SOX5: variants seen among roughly 807,000 people sequenced by gnomAD.
The protein encoded by SOX5 is SRY-box transcription factor 5.
In SOX5, 9 loss-of-function variants were observed where a neutral mutation model predicts 92.0. That is an observed-to-expected ratio of 0.10 (90% CI 0.06 to 0.17). The LOEUF is 0.17. Among genes scored for constraint, SOX5 ranks in the 10% least tolerant of loss-of-function variants. SOX5 has a pLI of 1.00. For synonymous variants in SOX5, 344 were observed against 336.3 expected (o/e 1.02, Z -0.25); for missense variants, 642 against 944.5 (o/e 0.68, Z 4.20).
chr12:24,349,464 TTCTG>T (rs563421029), intron 2 of SOX5, among the ~76,000 whole-genome samples: 30 of 152,312 alleles, frequency 2.0e-4, no homozygotes, highest in South Asian at 8.3e-4. Flanking sequence ...GCAACCACCA[TTCTG>T]TCTGTCTCTA....
At chr12:24,285,665 T>C (rs766430531) in intron 2 of SOX5, among the ~76,000 whole-genome samples, 1 of 152,204 alleles carries the variant, frequency 6.6e-6, no homozygotes, top group Non-Finnish European at 1.5e-5. Context: ...ACCAAGTTTA[T>C]GTCTTAGACA....
intron 2 of SOX5, among the ~76,000 whole-genome samples, chr12:24,349,285 G>A (rs1953753741): frequency 6.6e-6 from 1 of 152,138 alleles, no homozygotes; most frequent in African/African-American, 2.4e-5. Context: ...GGTAAAATAT[G>A]CAGAACACAA....
intron 3 of SOX5, among the ~76,000 whole-genome samples, chr12:24,246,412 C>A (rs1000185337): frequency 5.3e-5 from 8 of 151,798 alleles, no homozygotes; most frequent in African/African-American, 1.9e-4. Flanking sequence ...AATAATTCAA[C>A]ACCAATGATT....
At chr12:23,944,339 A>T in intron 1 of SOX5, 1 of 152,110 alleles carries the variant, frequency 6.6e-6, no homozygotes. Context: ...GATCCAAGGG[A>T]AAAGGATACT....
intron 7 of SOX5, among the ~76,000 whole-genome samples, chr12:23,660,317 C>T (rs1018180306): frequency 2.0e-5 from 3 of 151,152 alleles, no homozygotes; most frequent in East Asian, 1.9e-4. Context: ...TAGATAATCT[C>T]GTTTGATCTT....
intron 3 of SOX5, among the ~76,000 whole-genome samples, chr12:24,250,731 C>A (rs1407040307): frequency 6.6e-6 from 1 of 152,138 alleles, no homozygotes; most frequent in Non-Finnish European, 1.5e-5. Flanking sequence ...AAAGTAAGTT[C>A]ATTAAGAAAG....
intron 9 of SOX5, among the ~76,000 whole-genome samples, chr12:23,602,249 C>T (rs2074600211): frequency 1.3e-5 from 2 of 152,146 alleles, no homozygotes; most frequent in Non-Finnish European, 1.5e-5. Flanking sequence ...TACTGAAATA[C>T]TCATTCTCTT....
At chr12:24,153,652 A>G (rs1431317323) in intron 4 of SOX5, among the ~76,000 whole-genome samples, 1 of 152,094 alleles carries the variant, frequency 6.6e-6, no homozygotes, top group Non-Finnish European at 1.5e-5. Context: ...CCACTGAAAT[A>G]ATGGCAAGAG....
At chr12:24,371,397 T>G (rs115001707) in intron 1 of SOX5, among the ~76,000 whole-genome samples, 1 of 152,220 alleles carries the variant, frequency 6.6e-6, no homozygotes, top group Non-Finnish European at 1.5e-5. Flanking sequence ...TTTAGCCTCA[T>G]GATACCCTGA....
chr12:24,068,126 C>A (rs1442452327), intron 4 of SOX5, among the ~76,000 whole-genome samples: 1 of 152,132 alleles, frequency 6.6e-6, no homozygotes, highest in African/African-American at 2.4e-5. Context: ...GCCTGGGCGA[C>A]AGAGGGAGAC....
intron 1 of SOX5, among the ~76,000 whole-genome samples, chr12:24,475,642 G>T (rs1377022822): frequency 6.6e-6 from 1 of 152,190 alleles, no homozygotes; most frequent in African/African-American, 2.4e-5. Flanking sequence ...TACAGAAATT[G>T]ATTTTATTGG....
At chr12:23,554,277 G>C (rs1049087970) in intron 11 of SOX5, among the ~76,000 whole-genome samples, 1 of 152,044 alleles carries the variant, frequency 6.6e-6, no homozygotes, top group African/African-American at 2.4e-5. Flanking sequence ...GAAGGAAGGA[G>C]CAAATACAGG....
At chr12:23,757,221 T>C (rs562810058) in intron 3 of SOX5, among the ~76,000 whole-genome samples, 77 of 152,058 alleles carry the variant, frequency 5.1e-4, no homozygotes, top group African/African-American at 1.8e-3. Context: ...AATGAATGAA[T>C]GCAGTTGAAA....
At chr12:23,972,644 C>T (rs1948474289) in intron 4 of SOX5, among the ~76,000 whole-genome samples, 1 of 152,104 alleles carries the variant, frequency 6.6e-6, no homozygotes, top group African/African-American at 2.4e-5. Context: ...CAGGTATGAG[C>T]CACTGCGCCA....
At chr12:23,779,276 C>CA (rs939444282) in intron 3 of SOX5, among the ~76,000 whole-genome samples, 6 of 150,836 alleles carry the variant, frequency 4.0e-5, no homozygotes, top group South Asian at 2.1e-4. Context: ...GCAATTATTG[C>CA]AAAAAAGGGG....
At position 23,896,012 on chromosome 12, in the gene SOX5, C is replaced by T. The variant is rs745745774; in HGVS notation, c.51G>A (p.Lys17=). ...CTTCCCCATACGGAGAGGCTGGTCG[C>T]TTGGAAGACATCCTGGAAGGAACAA... The part of the protein sequence containing the change: ...LPQEFERMSS[K]RPASPYGEAD... Residue 17 remains lysine (K), a synonymous_variant, in exon 2 of 15, where the codon AAG becomes AAA. Transcript: ENST00000451604. 1 of 1,612,192 alleles carries T rather than the reference C, an allele frequency of 6.2e-7. No individual in the cohort carries two copies. Among genetic ancestry groups the T allele is most frequent in the Admixed American group, 1.7e-5 (1 of 60,010 alleles).
Position 24,022,546 on chromosome 12 carries a change from T to C in SOX5, c.-1-126522A>G, listed in dbSNP as rs1329581550. On this transcript the variant is annotated intron_variant, in intron 4 of 4. Transcript: ENST00000446891. ...AATTGTGTAGCCATTGTAATTTGCC[T>C]ACCATTCTACAAAATCTCTAGTACT... Among the ~76,000 whole-genome samples, 6 of 152,282 alleles carry C rather than the reference T, an allele frequency of 3.9e-5. No individual in the cohort carries two copies. In the East Asian group the frequency reaches 5.8e-4, roughly 15 times the overall value.
At chr12:24,171,449 TC>T (rs986634158) in intron 4 of SOX5, among the ~76,000 whole-genome samples, 1 of 151,992 alleles carries the variant, frequency 6.6e-6, no homozygotes, top group Non-Finnish European at 1.5e-5. Context: ...GGTCTCGATC[TC>T]CTGACTTCGT....
intron 4 of SOX5, among the ~76,000 whole-genome samples, chr12:24,208,961 C>T (rs550172432): frequency 5.3e-5 from 8 of 151,724 alleles, no homozygotes; most frequent in African/African-American, 1.7e-4. Context: ...ATGACAGAAG[C>T]GGAAGAGTGT....
Sources: allele counts gnomAD v4.1 joint callset (sites outside exome capture counted in the v4.1 genomes callset), GRCh38; gene constraint gnomAD v4.1.1; transcripts MANE v1.5; gene names NCBI Gene and HGNC (gene_info 2026-07-23, HGNC 2026-07-21).